The following CELF2 variants were observed in gnomAD, a reference collection of about 807,000 sequenced individuals.
CELF2 encodes CUG triplet repeat RNA-binding protein 2.
CELF2 carries 8 observed loss-of-function variants against 62.6 expected under a neutral mutation model. That is an observed-to-expected ratio of 0.13 (90% confidence interval 0.07 to 0.23). CELF2 has a LOEUF of 0.23. Ranked by LOEUF, CELF2 falls within the 10% of genes least tolerant of loss-of-function variation. The pLI, the probability that CELF2 is intolerant of heterozygous loss-of-function variation, is 1.00. For synonymous variants in CELF2, 258 were observed against 250.0 expected, an observed-to-expected ratio of 1.03 and a Z score of -0.30; for missense variants, 333 against 671.0, an observed-to-expected ratio of 0.50 and a Z score of 5.56.
chr10:11,031,958 A>G (rs1192367384), intron 1 of CELF2, among the ~76,000 whole-genome samples: 5 of 152,156 alleles, frequency 3.3e-5, no homozygotes, highest in Non-Finnish European at 7.3e-5. Context: ...TGACTCAATC[A>G]CAGTGGCACC....
the CELF2 span, among the ~76,000 whole-genome samples, chr10:10,467,953 T>C: frequency 6.6e-6 from 1 of 152,096 alleles, no homozygotes; most frequent in Non-Finnish European, 1.5e-5. Flanking sequence ...TTAGTTTATC[T>C]CTAAAGAACT....
At chr10:10,532,738 T>C in the CELF2 span, among the ~76,000 whole-genome samples, 1 of 152,200 alleles carries the variant, frequency 6.6e-6, no homozygotes, top group Non-Finnish European at 1.5e-5. Context: ...TTTATCTTTG[T>C]ATTTCAAAAG....
intron 1 of CELF2, among the ~76,000 whole-genome samples, chr10:11,026,659 C>T (rs1027450191): frequency 6.6e-6 from 1 of 152,080 alleles, no homozygotes; most frequent in Admixed American, 6.6e-5. Flanking sequence ...GTCTTGTTGC[C>T]CTTCTTATGT....
the CELF2 span, among the ~76,000 whole-genome samples, chr10:10,573,471 G>T: frequency 0.032 from 4,867 of 152,160 alleles, 247 homozygotes; most frequent in African/African-American, 0.11. Flanking sequence ...CAATTCCGTT[G>T]TGTGTCCAAG....
intron 1 of CELF2, among the ~76,000 whole-genome samples, chr10:10,852,077 A>T (rs952097583): frequency 6.6e-6 from 1 of 152,226 alleles, no homozygotes; most frequent in African/African-American, 2.4e-5. Flanking sequence ...CTATCATATG[A>T]TGTAACCATT....
At chr10:10,857,717 AG>A (rs1437053926) in intron 1 of CELF2, among the ~76,000 whole-genome samples, 1 of 146,528 alleles carries the variant, frequency 6.8e-6, no homozygotes, top group Non-Finnish European at 1.5e-5. Flanking sequence ...GGATGTACAA[AG>A]AAACAGGAAA....
chr10:11,166,890 A>G (rs1237530504), intron 2 of CELF2, among the ~76,000 whole-genome samples: 2 of 152,218 alleles, frequency 1.3e-5, no homozygotes, highest in African/African-American at 4.8e-5. Context: ...TGTTGTTGCC[A>G]GGGTCTGGCA....
intron 2 of CELF2, among the ~76,000 whole-genome samples, chr10:10,927,450 A>G (rs1312111571): frequency 6.6e-6 from 1 of 150,962 alleles, no homozygotes; most frequent in Non-Finnish European, 1.5e-5. Flanking sequence ...TTTTTTTGAA[A>G]TGGGTCTCAC....
At chr10:10,564,324 A>G in the CELF2 span, among the ~76,000 whole-genome samples, 1 of 152,214 alleles carries the variant, frequency 6.6e-6, no homozygotes, top group African/African-American at 2.4e-5. Flanking sequence ...CGACACATCA[A>G]CACATTTGCC....
the CELF2 span, among the ~76,000 whole-genome samples, chr10:10,537,019 C>CTGCTGG: frequency 6.6e-6 from 1 of 152,142 alleles, no homozygotes. Context: ...TCACTTGCTG[C>CTGCTGG]TGCTGCTGCT....
At chr10:10,539,742 A>G in the CELF2 span, among the ~76,000 whole-genome samples, 2 of 152,222 alleles carry the variant, frequency 1.3e-5, no homozygotes, top group African/African-American at 4.8e-5. Context: ...GACTATGTGC[A>G]AAGTCCATCA....
chr10:10,558,974 G>A, the CELF2 span, among the ~76,000 whole-genome samples: 1 of 152,002 alleles, frequency 6.6e-6, no homozygotes, highest in Admixed American at 6.6e-5. Context: ...AATATAAGAA[G>A]ATCTCATTAA....
chr10:10,958,083 G>T (rs1592405283), intron 2 of CELF2, among the ~76,000 whole-genome samples: 1 of 152,186 alleles, frequency 6.6e-6, no homozygotes, highest in East Asian at 1.9e-4. Context: ...TCAAAGAAAT[G>T]TTTAGACTAA....
intron 2 of CELF2, among the ~76,000 whole-genome samples, chr10:10,965,012 G>A (rs1490730650): frequency 6.6e-6 from 1 of 151,998 alleles, no homozygotes; most frequent in Non-Finnish European, 1.5e-5. Context: ...TGTCTCTGAT[G>A]ATAAAACAGC....
At chr10:11,284,957 A>C (rs2090691267) in intron 8 of CELF2, among the ~76,000 whole-genome samples, 1 of 136,218 alleles carries the variant, frequency 7.3e-6, no homozygotes, top group African/African-American at 2.8e-5. Context: ...TCTATTCCAC[A>C]ATGAGGGATG....
chr10:10,852,937 G>C (rs941914971), intron 1 of CELF2, among the ~76,000 whole-genome samples: 2 of 152,130 alleles, frequency 1.3e-5, no homozygotes, highest in African/African-American at 4.8e-5. Context: ...CAATTTCCTT[G>C]AGCATGGAAG....
chr10:11,100,698 A>G (rs904539517), intron 1 of CELF2, among the ~76,000 whole-genome samples: 5 of 152,190 alleles, frequency 3.3e-5, no homozygotes, highest in African/African-American at 1.2e-4. Flanking sequence ...CTATCCACAA[A>G]GAGTTCCCGT....
chr10:11,025,534 G>T (rs1437703709), intron 1 of CELF2, among the ~76,000 whole-genome samples: 2 of 152,078 alleles, frequency 1.3e-5, no homozygotes, highest in Admixed American at 6.6e-5. Flanking sequence ...TTTCTGCCGT[G>T]ATTGTAAGTT....
chr10:10,495,943 A>G, the CELF2 span, among the ~76,000 whole-genome samples: 1 of 152,338 alleles, frequency 6.6e-6, no homozygotes, highest in East Asian at 1.9e-4. Flanking sequence ...GGAAATAACC[A>G]TTTGTTACTC....
Sources: allele counts gnomAD v4.1 joint callset (sites outside exome capture counted in the v4.1 genomes callset), GRCh38; gene constraint gnomAD v4.1.1; transcripts MANE v1.5; gene names NCBI Gene and HGNC (gene_info 2026-07-23, HGNC 2026-07-21).